Variants in CPEB3 observed in about 807,000 individuals in gnomAD.
CPEB3 encodes cytoplasmic polyadenylation element-binding protein 3.
In CPEB3, 20 loss-of-function variants were observed where a neutral mutation model predicts 67.2. The observed-to-expected ratio is 0.30, with a 90% CI of 0.21 to 0.43. CPEB3 has a LOEUF of 0.43. Ranked by LOEUF, CPEB3 falls within the 20% of genes least tolerant of loss-of-function variation. The pLI is 1.00. For synonymous variants in CPEB3, 376 were observed against 393.1 expected, an observed-to-expected ratio of 0.96 and a Z score of 0.51; for missense variants, 746 against 968.6, an observed-to-expected ratio of 0.77 and a Z score of 3.05.
rs1254133375 is a variant in CPEB3 at position 92,049,743 on chromosome 10, AT to A, written c.*2468del. The A allele has an allele frequency of 6.6e-6, 1 of 152,620 alleles. No individual in the cohort carries two copies. Among genetic ancestry groups the A allele is most frequent in the Non-Finnish European group, 1.5e-5 (1 of 68,032 alleles). 9.5% of individuals were successfully genotyped at this position (152,620 alleles called of 1,614,324 possible). On this transcript the variant is annotated 3_prime_UTR_variant, in exon 10 of 10. Transcript: ENST00000265997. The stretch of plus-strand genomic sequence containing the variant: ...GTACAATCTTCCAGCTTTTAAAAAA[AT>A]CTCAGTGTTATTTTAATACATGAAA...
At chr10:92,242,563 A>C (rs968586844) in intron 1 of CPEB3, among the ~76,000 whole-genome samples, 1 of 152,330 alleles carries the variant, frequency 6.6e-6, no homozygotes, top group East Asian at 1.9e-4. Context: ...TGTCTTTATA[A>C]TAGCCATATC....
intron 7 of CPEB3, among the ~76,000 whole-genome samples, chr10:92,098,770 C>CTTTTTTTTTTTT (rs984013045): frequency 8.0e-6 from 1 of 124,554 alleles, no homozygotes; most frequent in Non-Finnish European, 1.7e-5. Flanking sequence ...TTCTTTTTTT[C>CTTTTTTTTTTTT]TTTTTTTTTT....
rs2134654846 is a variant in CPEB3 at position 92,239,107 on chromosome 10, GAA to G, written c.1005+237_1005+238del. Among the ~76,000 whole-genome samples the G allele has an allele frequency of 6.6e-6, 1 of 152,156 alleles. No homozygotes were observed. Among genetic ancestry groups the G allele is most frequent in the South Asian group, 2.1e-4 (1 of 4,818 alleles). On this transcript the variant is annotated intron_variant, in intron 2 of 9. Transcript: ENST00000265997. The surrounding 1 kb of genome is among the most constrained non-coding windows in gnomAD (Gnocchi z 6.0). ...CCATGAAGGAGAAAATAAACTAAAA[GAA>G]AAAGGCTTCTTCTACCCTGAAGGGA...
chr10:92,222,154 C>T (rs1850733575), intron 2 of CPEB3, among the ~76,000 whole-genome samples: 2 of 151,866 alleles, frequency 1.3e-5, no homozygotes, highest in South Asian at 4.2e-4. Context: ...AGATGAATTG[C>T]AAGCTTACCT....
chr10:92,088,070 ATGAAAGGAAGAGACAGTAATAATG>A (rs1020640435), intron 8 of CPEB3, among the ~76,000 whole-genome samples: 1 of 152,176 alleles, frequency 6.6e-6, no homozygotes, highest in African/African-American at 2.4e-5. Context: ...GATGGGAATG[ATGAAAGGAAGAGACAGTAATAATG>A]TGTATTATTT....
chr10:92,238,581 T>G (rs756335712), intron 2 of CPEB3, among the ~76,000 whole-genome samples: 2 of 151,660 alleles, frequency 1.3e-5, no homozygotes, highest in South Asian at 4.2e-4. Flanking sequence ...ATAGACTCCA[T>G]TGCAATATGG....
chr10:92,080,913 A>C (rs1843126876), intron 9 of CPEB3, among the ~76,000 whole-genome samples: 1 of 152,078 alleles, frequency 6.6e-6, no homozygotes, highest in African/African-American at 2.4e-5. Flanking sequence ...GGCAATTTTC[A>C]AACCAGAAGT....
chr10:92,217,368 A>G (rs924976553), intron 2 of CPEB3, among the ~76,000 whole-genome samples: 3 of 151,968 alleles, frequency 2.0e-5, no homozygotes, highest in African/African-American at 4.8e-5. Flanking sequence ...TATTTAATTG[A>G]TTTATCAATA....
chr10:92,224,598 G>T (rs1050397104), intron 2 of CPEB3, among the ~76,000 whole-genome samples: 1 of 152,012 alleles, frequency 6.6e-6, no homozygotes, highest in Non-Finnish European at 1.5e-5. Context: ...GCTGAGCATG[G>T]TGTCTCATGC....
intron 9 of CPEB3, among the ~76,000 whole-genome samples, chr10:92,074,758 G>A (rs1386622649): frequency 1.3e-5 from 2 of 152,164 alleles, no homozygotes; most frequent in African/African-American, 4.8e-5. Context: ...TAATCAAAAG[G>A]TTTAAAGGAG....
intron 6 of CPEB3, chr10:92,118,802 C>T (rs79660843): frequency 1.8e-5 from 14 of 759,910 alleles, no homozygotes; most frequent in African/African-American, 1.0e-4. Flanking sequence ...AGGTTTAAAC[C>T]GTCCTGTATC....
intron 7 of CPEB3, among the ~76,000 whole-genome samples, chr10:92,104,087 TA>T (rs1220551309): frequency 6.6e-6 from 1 of 152,240 alleles, no homozygotes; most frequent in East Asian, 1.9e-4. Flanking sequence ...CAAATGTATA[TA>T]TTGTAAGACT....
intron 2 of CPEB3, among the ~76,000 whole-genome samples, chr10:92,230,200 A>C (rs574111170): frequency 6.6e-4 from 100 of 152,334 alleles, no homozygotes; most frequent in African/African-American, 2.4e-3. Flanking sequence ...CCAGGCACTG[A>C]TTTATTTCAT....
rs1408871227 is a variant in CPEB3 at position 92,239,619 on chromosome 10, C to A, written c.732G>T (p.Thr244=). 7.7e-6 allele frequency: 12 copies of A among 1,557,386 alleles called. No individual in the cohort carries two copies. In the Admixed American group the frequency reaches 2.1e-4, roughly 28 times the overall value. The change falls in exon 2 of 10, where the codon ACG becomes ACT. Residue 244 remains threonine (T), a synonymous_variant. Transcript: ENST00000265997. This position sits in a 1 kb window ranked among gnomAD's most constrained non-coding sequence, Gnocchi z 6.0. ...TCCAGGCTGCATTCACGCTTTGGTG[C>A]GTGTTCCAGCTGGACGAGGCCGACG... is the stretch of plus-strand genomic sequence containing the variant. ...AASSASSSWN[T]HQSVNAAWSA... is the part of the protein sequence containing the mutation.
chr10:92,082,518 G>A (rs1220757931), intron 8 of CPEB3, among the ~76,000 whole-genome samples: 3 of 152,088 alleles, frequency 2.0e-5, no homozygotes, highest in African/African-American at 7.2e-5. Flanking sequence ...GACCTCAAGT[G>A]ATCCTCCAGC....
chr10:92,164,478 T>C (rs1178462057), intron 4 of CPEB3, among the ~76,000 whole-genome samples: 1 of 152,214 alleles, frequency 6.6e-6, no homozygotes, highest in African/African-American at 2.4e-5. Context: ...CCCTAACTCA[T>C]GGTTCCTGGC....
chr10:92,167,821 T>C (rs2133994880), intron 4 of CPEB3, among the ~76,000 whole-genome samples: 1 of 152,138 alleles, frequency 6.6e-6, no homozygotes, highest in South Asian at 2.1e-4. Context: ...GACATGAGAA[T>C]TGCTTAAACC....
At chr10:92,097,470 C>A (rs1005643207) in intron 7 of CPEB3, among the ~76,000 whole-genome samples, 6 of 152,182 alleles carry the variant, frequency 3.9e-5, no homozygotes, top group African/African-American at 7.2e-5. Flanking sequence ...TGGAAGCTCT[C>A]CTGAGGACTA....
At chr10:92,173,745 T>A (rs1019211644) in intron 4 of CPEB3, among the ~76,000 whole-genome samples, 1 of 152,080 alleles carries the variant, frequency 6.6e-6, no homozygotes, top group Non-Finnish European at 1.5e-5. Flanking sequence ...AACAAAACCA[T>A]CTCTTAGGTC....
Sources: gnomAD v4.1 joint callset for allele counts (sites outside exome capture counted in the v4.1 genomes callset) on GRCh38, gnomAD v4.1.1 for gene constraint, Gnocchi (gnomAD v3.1) non-coding constraint, MANE v1.5 for transcripts, NCBI Gene and HGNC (gene_info 2026-07-23, HGNC 2026-07-21) for gene names.